Variants in PCOLCE2 observed in about 807,000 individuals in gnomAD.
The protein encoded by PCOLCE2 is procollagen C-proteinase enhancer 2.
PCOLCE2 carries 42 observed loss-of-function variants against 47.0 expected under a neutral mutation model. That is an observed-to-expected ratio of 0.89 (90% CI 0.70 to 1.16). The LOEUF is 1.16. Among genes scored for constraint, PCOLCE2 ranks in the 50% most tolerant of loss-of-function variants. PCOLCE2 has a pLI of 0.00. For synonymous variants in PCOLCE2, 169 were observed against 191.7 expected (o/e 0.88, Z 0.98); for missense variants, 500 against 526.1 (o/e 0.95, Z 0.49).
chr3:142,881,739 T>C (rs182755570), intron 2 of PCOLCE2, among the ~76,000 whole-genome samples: 139 of 152,284 alleles, frequency 9.1e-4, no homozygotes, highest in Non-Finnish European at 1.5e-3. Context: ...GTCATATATG[T>C]GGTAGTCATT....
chr3:142,854,613 C>T (rs35080536), intron 2 of PCOLCE2, among the ~76,000 whole-genome samples: 3 of 151,976 alleles, frequency 2.0e-5, no homozygotes, highest in African/African-American at 4.8e-5. Flanking sequence ...TTGGGGATTT[C>T]ACTAAAAAAA....
chr3:142,874,309 T>C (rs1448669005), intron 2 of PCOLCE2, among the ~76,000 whole-genome samples: 4 of 152,148 alleles, frequency 2.6e-5, no homozygotes, highest in Non-Finnish European at 1.5e-5. Flanking sequence ...CTTCCGACTT[T>C]GTGATCCGCC....
intron 2 of PCOLCE2, among the ~76,000 whole-genome samples, chr3:142,851,205 G>C (rs937654960): frequency 3.3e-5 from 5 of 152,248 alleles, no homozygotes; most frequent in African/African-American, 4.8e-5. Context: ...AGAAAGTGAG[G>C]AAATGGATTA....
chr3:142,870,872 A>C (rs1226516199), intron 2 of PCOLCE2, among the ~76,000 whole-genome samples: 2 of 152,126 alleles, frequency 1.3e-5, no homozygotes, highest in Non-Finnish European at 2.9e-5. Context: ...CTGCCATTTG[A>C]TGTTTCCAAT....
In PCOLCE2 at chr3:142,820,995, C is replaced by A. The variant is rs770152757; in HGVS notation, c.1000G>T (p.Ala334Ser). The A allele has an allele frequency of 2.5e-6, 4 of 1,613,622 alleles. No homozygotes were observed. In the Admixed American group the frequency reaches 5.0e-5, roughly 20 times the overall value. ...TAGATGTTGATGATCGAGACTGTGG[C>A]GTGCAAACTCCCATCGCGAGTGATG... is the stretch of plus-strand genomic sequence containing the variant. ...TTITRDGSLH[A>S]TVSIINIYKE... is the part of the protein sequence containing the mutation. The change falls in exon 8 of 9, where the codon GCC becomes TCC. Residue 334 changes from alanine (A) to serine (S), a missense_variant. By Grantham distance (99) the Ala-to-Ser change is moderately conservative. Transcript: ENST00000295992.
chr3:142,843,409 T>C (rs1354972542), intron 3 of PCOLCE2: 1 of 411,694 alleles, frequency 2.4e-6, no homozygotes, highest in Non-Finnish European at 4.7e-6. Context: ...GGCATTGGTA[T>C]TTAGTAAACA....
intron 2 of PCOLCE2, among the ~76,000 whole-genome samples, chr3:142,873,546 C>T (rs1419016142): frequency 6.6e-6 from 1 of 152,118 alleles, no homozygotes; most frequent in Non-Finnish European, 1.5e-5. Flanking sequence ...AAAGTTAACA[C>T]TAAAATTGCA....
intron 2 of PCOLCE2, among the ~76,000 whole-genome samples, chr3:142,861,568 C>G (rs916387743): frequency 4.0e-5 from 6 of 151,824 alleles, no homozygotes; most frequent in Non-Finnish European, 7.4e-5. Flanking sequence ...TTTTAGTATC[C>G]TGCTTTGATT....
intron 2 of PCOLCE2, among the ~76,000 whole-genome samples, chr3:142,886,265 C>T (rs1260700648): frequency 1.3e-5 from 2 of 152,276 alleles, no homozygotes; most frequent in African/African-American, 2.4e-5. Flanking sequence ...TCAACCTGTC[C>T]GCAATACTCA....
At chr3:142,859,986 C>A (rs1475229559) in intron 2 of PCOLCE2, among the ~76,000 whole-genome samples, 1 of 152,180 alleles carries the variant, frequency 6.6e-6, no homozygotes, top group Non-Finnish European at 1.5e-5. Context: ...GAGTAAAAGA[C>A]AGGCTTTACA....
At position 142,884,458 on chromosome 3, in the gene PCOLCE2, C is replaced by T. The variant is rs143041705; in HGVS notation, c.192+3211G>A. On this transcript the variant is annotated intron_variant, in intron 2 of 8. Transcript: ENST00000295992. ...AGAATTAGGGGATTTTATGCAGATG[C>T]CTTTTAGGTTATAGTCCCCAGAATC... 4.0e-3 allele frequency among the ~76,000 whole-genome samples: 602 copies of T among 152,290 alleles called. 7 individuals carry two copies. Among genetic ancestry groups the T allele is most frequent in the African/African-American group, 0.014 (561 of 41,544 alleles).
At chr3:142,818,711 G>C (rs891580343) in intron 8 of PCOLCE2, among the ~76,000 whole-genome samples, 4 of 152,162 alleles carry the variant, frequency 2.6e-5, no homozygotes, top group African/African-American at 9.7e-5. Flanking sequence ...CTCCAAAGTA[G>C]CTGGGACTAC....
At chr3:142,861,530 A>G (rs1388656301) in intron 2 of PCOLCE2, among the ~76,000 whole-genome samples, 1 of 151,616 alleles carries the variant, frequency 6.6e-6, no homozygotes, top group Non-Finnish European at 1.5e-5. Context: ...TAAATTTCCA[A>G]CAGTGTTTTT....
chr3:142,870,255 T>C (rs1933360429), intron 2 of PCOLCE2, among the ~76,000 whole-genome samples: 1 of 152,230 alleles, frequency 6.6e-6, no homozygotes, highest in Admixed American at 6.5e-5. Flanking sequence ...AGAGTGATTC[T>C]TCATTACAAA....
intron 6 of PCOLCE2, among the ~76,000 whole-genome samples, chr3:142,828,256 A>G (rs1937108045): frequency 6.6e-6 from 1 of 152,210 alleles, no homozygotes; most frequent in Non-Finnish European, 1.5e-5. Flanking sequence ...CTAGAAAGAG[A>G]GGCTGGGGAC....
chr3:142,821,038 G>A lies in PCOLCE2; in HGVS notation c.957C>T (p.Ala319=), dbSNP rs145192364. The A allele has an allele frequency of 2.1e-5, 34 of 1,600,012 alleles. No homozygotes were observed. The African/African-American group carries it at 2.9e-4, about 14-fold the overall frequency. The change falls in exon 8 of 9, where the codon GCC becomes GCT. Residue 319 remains alanine (A), a synonymous_variant. Coordinates refer to ENST00000295992, the MANE Select transcript of PCOLCE2 (RefSeq NM_013363.4). ...GNYCSSDFVL[A]GTVITTITRD... ...GAGTGATGGTTGTGATAACAGTGCC[G>A]GCTAATACTGCAGAAGAAAACATTT...
At chr3:142,867,194 G>A (rs1401627921) in intron 2 of PCOLCE2, among the ~76,000 whole-genome samples, 1 of 152,094 alleles carries the variant, frequency 6.6e-6, no homozygotes, top group African/African-American at 2.4e-5. Flanking sequence ...ACCTCCCTCT[G>A]TAGAGGGAGC....
intron 6 of PCOLCE2, chr3:142,827,772 G>A: frequency 1.5e-6 from 1 of 656,298 alleles, no homozygotes; most frequent in Non-Finnish European, 2.6e-6. Context: ...TTTAGTCTGG[G>A]GACCCGTGTA....
chr3:142,842,872 C>T lies in PCOLCE2; in HGVS notation c.573+52G>A. 6.3e-7 allele frequency: 1 copy of T among 1,599,344 alleles called. No individual in the cohort carries two copies. The highest frequency in any genetic ancestry group is 8.6e-7 in the Non-Finnish European group (1 of 1,169,022). Reference sequence around the variant, plus strand: ...CTCTTGAGAGTTGGTGGGCCCCCCACACTGGGCAATTCACACATGCATGCT... The same window carrying T: ...CTCTTGAGAGTTGGTGGGCCCCCCATACTGGGCAATTCACACATGCATGCT... On this transcript the variant is annotated intron_variant, in intron 4 of 8. Coordinates refer to ENST00000295992, the MANE Select transcript of PCOLCE2 (RefSeq NM_013363.4). The surrounding 1 kb of genome is among the most constrained non-coding windows in gnomAD (Gnocchi z 4.1).
Sources: allele counts gnomAD v4.1 joint callset (sites outside exome capture counted in the v4.1 genomes callset), GRCh38; gene constraint gnomAD v4.1.1; non-coding constraint Gnocchi (gnomAD v3.1); transcripts MANE v1.5; gene names NCBI Gene and HGNC (gene_info 2026-07-23, HGNC 2026-07-21).